RNF11: variants seen among roughly 807,000 people sequenced by gnomAD.
RNF11 encodes ring finger protein 11.
In RNF11, 4 loss-of-function variants were observed where a neutral mutation model predicts 15.8. The ratio of observed to expected loss-of-function variants is 0.25; its 90% CI spans 0.12 to 0.58. The LOEUF (loss-of-function observed/expected upper bound fraction) is 0.58. RNF11 is among the 20% of genes least tolerant of loss of function. The probability of loss-of-function intolerance (pLI) is 0.91; values close to 1 mark genes in which losing one functional copy is unlikely to be tolerated. For synonymous variants in RNF11, 68 were observed against 72.3 expected (o/e 0.94, Z 0.30); for missense variants, 139 against 194.4 (o/e 0.71, Z 1.70).
chr1:51,271,227 G>A lies in RNF11; in HGVS notation c.370G>A (p.Asp124Asn), dbSNP rs2148075825. 6.2e-7 allele frequency: 1 copy of A among 1,613,258 alleles called. No homozygotes were observed. The highest frequency in any genetic ancestry group is 2.2e-5 in the East Asian group (1 of 44,876). The change falls in exon 3 of 3, where the codon GAC (aspartate) becomes AAC (asparagine). Residue 124 changes from aspartate to asparagine, a missense_variant. Physicochemically the swap from Asp to Asn is conservative, Grantham distance 23 (BLOSUM62 1). Coordinates refer to ENST00000242719, the MANE Select transcript of RNF11 (RefSeq NM_014372.5). ...GCCGTGCATGCACATCTATCACCTGGACTGTATAGATGACTGGTTGATGAG... is the reference window on the plus strand; with the variant it reads ...GCCGTGCATGCACATCTATCACCTGAACTGTATAGATGACTGGTTGATGAG... ...FLPCMHIYHLDCIDDWLMRSF... is the reference protein window; with the variant it reads ...FLPCMHIYHLNCIDDWLMRSF...
chr1:51,257,549 C>T (rs1418862741), intron 1 of RNF11, among the ~76,000 whole-genome samples: 2 of 152,054 alleles, frequency 1.3e-5, no homozygotes, highest in African/African-American at 4.8e-5. Context: ...CTGCCCCCTC[C>T]GATTCAAGCT....
rs1646980857 is a variant in RNF11, at chr1:51,271,929, A to T, written c.*607A>T. 1 of 152,654 alleles carries T rather than the reference A, an allele frequency of 6.6e-6. No individual in the cohort carries two copies. Among genetic ancestry groups the T allele is most frequent in the Admixed American group, 6.5e-5 (1 of 15,286 alleles). The allele number at this position is 152,654 out of a possible 1,614,324, so 9.5% of individuals were successfully genotyped here. On this transcript the variant is annotated 3_prime_UTR_variant, in exon 3 of 3. Coordinates refer to ENST00000242719, the MANE Select transcript of RNF11 (RefSeq NM_014372.5). ...AAAACCAGTTTATTTATAACCTGTT[A>T]TAAGTGCTATATTCTGTTTGCAGTT...
At chr1:51,249,984 G>A (rs973240576) in intron 1 of RNF11, among the ~76,000 whole-genome samples, 5 of 152,018 alleles carry the variant, frequency 3.3e-5, no homozygotes, top group African/African-American at 9.7e-5. Context: ...ATACCTATTC[G>A]TCGTTCTTCT....
intron 1 of RNF11, among the ~76,000 whole-genome samples, chr1:51,258,849 T>A (rs1467131226): frequency 1.3e-5 from 2 of 152,238 alleles, no homozygotes; most frequent in African/African-American, 2.4e-5. Context: ...CACCAATTCC[T>A]ATCAATTAAG....
At position 51,242,196 on chromosome 1, in the gene RNF11, C is replaced by T. The variant is rs577252427; in HGVS notation, c.123+5317C>T. Among the ~76,000 whole-genome samples, 33 of 152,156 alleles carry T rather than the reference C, an allele frequency of 2.2e-4. No individual in the cohort carries two copies. The South Asian group carries it at 5.2e-3, about 24-fold the overall frequency. On this transcript the variant is annotated intron_variant, in intron 1 of 2. Transcript: ENST00000242719. ...TCCTGTGTTCAAATTCTGGCTCTGC[C>T]GCTTACATGTAAAATATGAAAAAGG...
At chr1:51,254,589 A>C (rs1646895843) in intron 1 of RNF11, among the ~76,000 whole-genome samples, 1 of 151,942 alleles carries the variant, frequency 6.6e-6, no homozygotes, top group Non-Finnish European at 1.5e-5. Flanking sequence ...CCGCCTCCCA[A>C]GTAGCTAGGA....
intron 1 of RNF11, among the ~76,000 whole-genome samples, chr1:51,248,035 A>G (rs1472454375): frequency 6.6e-6 from 1 of 151,656 alleles, no homozygotes; most frequent in Non-Finnish European, 1.5e-5. Flanking sequence ...GAAGCAGTTT[A>G]CCATAATTGA....
intron 1 of RNF11, among the ~76,000 whole-genome samples, chr1:51,255,387 G>C (rs1569669624): frequency 1.3e-5 from 2 of 152,304 alleles, no homozygotes; most frequent in Middle Eastern, 6.8e-3. Context: ...AGCCTCCTGA[G>C]TAGCTGGGAC....
At position 51,272,421 on chromosome 1, in the gene RNF11, A is replaced by G. The variant is rs1165384489; in HGVS notation, c.*1099A>G. The stretch of plus-strand genomic sequence containing the variant: ...GGAAAGGTATCTATTACATCCTGCT[A>G]GCTGACTGACAAAACTAAGCAGGGA... On this transcript the variant is annotated 3_prime_UTR_variant, in exon 3 of 3. Coordinates refer to ENST00000242719, the MANE Select transcript of RNF11 (RefSeq NM_014372.5). 2 of 152,660 alleles carry G rather than the reference A, an allele frequency of 1.3e-5. No homozygotes were observed. The highest frequency in any genetic ancestry group is 2.4e-5 in the African/African-American group (1 of 41,476). The allele number at this position is 152,660 out of a possible 1,614,324, so 9.5% of individuals were successfully genotyped here. A position where few individuals can be genotyped will look rare whatever the true frequency, so the allele number is the denominator to read the frequency against.
intron 1 of RNF11, among the ~76,000 whole-genome samples, chr1:51,254,038 G>T (rs934532042): frequency 6.6e-6 from 1 of 151,786 alleles, no homozygotes; most frequent in Non-Finnish European, 1.5e-5. Context: ...ACGATCAATC[G>T]GATCATCCTA....
At chr1:51,256,641 G>A (rs902781603) in intron 1 of RNF11, among the ~76,000 whole-genome samples, 1 of 152,064 alleles carries the variant, frequency 6.6e-6, no homozygotes, top group Admixed American at 6.6e-5. Context: ...TTATCAAACT[G>A]TCACCCTAAG....
At chr1:51,246,184 G>A (rs186495866) in intron 1 of RNF11, among the ~76,000 whole-genome samples, 425 of 152,180 alleles carry the variant, frequency 2.8e-3, no homozygotes, top group Non-Finnish European at 4.4e-3. Flanking sequence ...AGAATCTCTT[G>A]AACCCAGGAG....
chr1:51,270,680 G>A (rs1388669099), intron 2 of RNF11, among the ~76,000 whole-genome samples: 7 of 152,156 alleles, frequency 4.6e-5, no homozygotes, highest in Non-Finnish European at 1.0e-4. Flanking sequence ...CTTACTCTAG[G>A]ATTACTCTAA....
chr1:51,261,704 T>C (rs554979019), intron 1 of RNF11, among the ~76,000 whole-genome samples: 1 of 150,258 alleles, frequency 6.7e-6, no homozygotes, highest in South Asian at 2.1e-4. Context: ...TTTTTTTTTC[T>C]TGAGACGGAG....
intron 1 of RNF11, among the ~76,000 whole-genome samples, chr1:51,239,406 T>G (rs1646819096): frequency 6.6e-6 from 1 of 152,156 alleles, no homozygotes. Context: ...CAGACTAATA[T>G]ACAAATTCAG....
In RNF11 at chr1:51,272,779, TTA is replaced by T. The variant is rs1334956178; in HGVS notation, c.*1459_*1460del. The T allele has an allele frequency of 6.6e-6, 1 of 152,158 alleles. No individual in the cohort carries two copies. The highest frequency in any genetic ancestry group is 1.5e-5 in the Non-Finnish European group (1 of 68,006). The allele number at this position is 152,158 out of a possible 1,614,324, so 9.4% of individuals were successfully genotyped here. On this transcript the variant is annotated 3_prime_UTR_variant, in exon 3 of 3. Coordinates refer to ENST00000242719, the MANE Select transcript of RNF11 (RefSeq NM_014372.5). Reference sequence around the variant, plus strand: ...CTCAACCTAACATCAGAAGTGTTTCTTATTATTATTTTATATTGAGTTGAATA... The same window carrying T: ...CTCAACCTAACATCAGAAGTGTTTCTTTATTATTTTATATTGAGTTGAATA...
At chr1:51,247,545 T>A (rs1569659183) in intron 1 of RNF11, among the ~76,000 whole-genome samples, 5 of 151,278 alleles carry the variant, frequency 3.3e-5, no homozygotes, top group Admixed American at 3.3e-4. Context: ...CTCACCCTCC[T>A]AAAGTGAAGT....
chr1:51,257,855 T>C (rs557725703), intron 1 of RNF11, among the ~76,000 whole-genome samples: 2,059 of 140,528 alleles, frequency 0.015, 56 homozygotes, highest in Non-Finnish European at 0.023. Flanking sequence ...TTTCTTTTCT[T>C]TTTTTTTTTT....
intron 1 of RNF11, among the ~76,000 whole-genome samples, chr1:51,266,586 C>T (rs111372609): frequency 6.6e-6 from 1 of 152,064 alleles, no homozygotes; most frequent in African/African-American, 2.4e-5. Flanking sequence ...CCTCAGTCCC[C>T]GAGGTAGCTG....
Sources: gnomAD v4.1 joint callset for allele counts (sites outside exome capture counted in the v4.1 genomes callset) on GRCh38, gnomAD v4.1.1 for gene constraint, MANE v1.5 for transcripts, NCBI Gene and HGNC (gene_info 2026-07-23, HGNC 2026-07-21) for gene names.